The following THSD4 variants were observed in gnomAD, a reference collection of about 807,000 sequenced individuals.
THSD4 encodes thrombospondin type 1 domain containing 4.
THSD4 carries 69 observed loss-of-function variants against 119.0 expected under a neutral mutation model. The observed-to-expected ratio is 0.58, with a 90% CI of 0.48 to 0.71. THSD4 has a LOEUF of 0.71. Ranked by LOEUF, THSD4 falls within the 30% of genes least tolerant of loss-of-function variation. THSD4 has a pLI of 0.00. For synonymous variants in THSD4, 524 were observed against 540.4 expected (o/e 0.97, Z 0.42); for missense variants, 1,393 against 1,391.1 (o/e 1.00, Z -0.02).
chr15:71,710,161 T>G (rs1302545901), intron 8 of THSD4, among the ~76,000 whole-genome samples: 1 of 152,226 alleles, frequency 6.6e-6, no homozygotes, highest in Non-Finnish European at 1.5e-5. Context: ...TCCAAGGAAC[T>G]ATTTGTTCAA....
intron 7 of THSD4, among the ~76,000 whole-genome samples, chr15:71,447,927 AAAG>A (rs752985295): frequency 2.6e-5 from 4 of 152,148 alleles, no homozygotes; most frequent in Non-Finnish European, 5.9e-5. Context: ...TTCCAGGCAA[AAAG>A]AAGGACTAAA....
intron 7 of THSD4, among the ~76,000 whole-genome samples, chr15:71,624,686 T>G (rs2050476664): frequency 6.6e-6 from 1 of 152,152 alleles, no homozygotes. Context: ...GCTTTTTGCT[T>G]CAGTCTAAAG....
intron 8 of THSD4, among the ~76,000 whole-genome samples, chr15:71,706,700 T>A (rs2052399448): frequency 6.6e-6 from 1 of 152,102 alleles, no homozygotes; most frequent in African/African-American, 2.4e-5. Context: ...GCAGTCTACA[T>A]TCTAGCAAAA....
At chr15:71,181,704 A>G (rs79387238) in intron 3 of THSD4, among the ~76,000 whole-genome samples, 1 of 152,266 alleles carries the variant, frequency 6.6e-6, no homozygotes, top group Non-Finnish European at 1.5e-5. Context: ...CTCCCATCCT[A>G]GTGGTATCTA....
intron 4 of THSD4, among the ~76,000 whole-genome samples, chr15:71,231,981 A>G: frequency 6.6e-6 from 1 of 152,252 alleles, no homozygotes; most frequent in East Asian, 1.9e-4. Flanking sequence ...AGGTGATCCT[A>G]GTGGAACAGG....
chr15:71,140,311 G>T (rs599780), intron 1 of THSD4, among the ~76,000 whole-genome samples: 1 of 152,090 alleles, frequency 6.6e-6, no homozygotes, highest in African/African-American at 2.4e-5. Flanking sequence ...GGAGAAGGAA[G>T]GGCAGCCAGT....
Position 71,781,063 on chromosome 15 carries a change from A to G in THSD4, c.*3689A>G. ...GACTTCCCTTAAAACAGGCTGGATA[A>G]TCTATATCAGCCTTGTGGGTGGAGA... On this transcript the variant is annotated 3_prime_UTR_variant, in exon 18 of 18. Coordinates refer to ENST00000261862, the MANE Select transcript of THSD4 (RefSeq NM_024817.3). 3.2e-6 allele frequency: 1 copy of G among 308,198 alleles called. No individual in the cohort carries two copies. Among genetic ancestry groups the G allele is most frequent in the Admixed American group, 4.1e-5 (1 of 24,402 alleles). The allele number at this position is 308,198 out of a possible 1,614,324, so 19.1% of individuals were successfully genotyped here.
intron 7 of THSD4, among the ~76,000 whole-genome samples, chr15:71,570,790 T>C (rs2049336053): frequency 6.6e-6 from 1 of 152,164 alleles, no homozygotes; most frequent in Non-Finnish European, 1.5e-5. Flanking sequence ...TGGCAGTGTC[T>C]TCAACTGGAA....
intron 6 of THSD4, among the ~76,000 whole-genome samples, chr15:71,298,907 C>G (rs1228623607): frequency 6.6e-6 from 1 of 152,240 alleles, no homozygotes; most frequent in African/African-American, 2.4e-5. Flanking sequence ...GCCGTGCACA[C>G]AGCCCAGTGC....
chr15:71,442,658 G>GTGTGTGTATA (rs1403001889), intron 7 of THSD4, among the ~76,000 whole-genome samples: 3 of 31,340 alleles, frequency 9.6e-5, no homozygotes, highest in African/African-American at 3.0e-4. Flanking sequence ...GTGTGTGTGT[G>GTGTGTGTATA]TGTATATATA....
In THSD4 at chr15:71,154,948, C is replaced by G; in HGVS notation, c.99+16C>G. ...ACACAGGAAGGTAAGCCATGGCCAT[C>G]CAGAGGTTTTCTTCTCTGCCCAAGG... On this transcript the variant is annotated intron_variant, in intron 3 of 17. Coordinates refer to ENST00000261862, the MANE Select transcript of THSD4 (RefSeq NM_024817.3). 6.2e-7 allele frequency: 1 copy of G among 1,613,680 alleles called. No individual in the cohort carries two copies.
In THSD4 at chr15:71,663,865, G is replaced by A. The variant is rs184156773; in HGVS notation, c.1357+3131G>A. ...TCTGGCTATGAAAACTGTATTTTCT[G>A]TAAAATTTGACTTGATACACAAAAT... On this transcript the variant is annotated intron_variant, in intron 8 of 17. Coordinates refer to ENST00000261862, the MANE Select transcript of THSD4 (RefSeq NM_024817.3). Among the ~76,000 whole-genome samples, 683 of 152,200 alleles carry A rather than the reference G, an allele frequency of 4.5e-3. 3 individuals carry two copies. Among genetic ancestry groups the A allele is most frequent in the Non-Finnish European group, 7.5e-3 (508 of 68,012 alleles).
intron 6 of THSD4, among the ~76,000 whole-genome samples, chr15:71,403,153 T>C (rs973768811): frequency 1.3e-5 from 2 of 152,172 alleles, no homozygotes; most frequent in Non-Finnish European, 2.9e-5. Flanking sequence ...TTCTCTTTGC[T>C]TCTTTTTTGG....
intron 7 of THSD4, among the ~76,000 whole-genome samples, chr15:71,554,352 C>T (rs989962543): frequency 2.0e-5 from 3 of 151,638 alleles, no homozygotes; most frequent in Non-Finnish European, 4.4e-5. Context: ...GCCTCGGCCT[C>T]CCAAAGTGCT....
intron 7 of THSD4, among the ~76,000 whole-genome samples, chr15:71,558,419 G>T (rs1312125796): frequency 6.6e-6 from 1 of 152,118 alleles, no homozygotes; most frequent in Non-Finnish European, 1.5e-5. Flanking sequence ...TTTTCTTGTA[G>T]TGTTACTTAT....
At chr15:71,248,257 G>C (rs541373163) in intron 5 of THSD4, among the ~76,000 whole-genome samples, 2 of 152,116 alleles carry the variant, frequency 1.3e-5, no homozygotes, top group African/African-American at 4.8e-5. Flanking sequence ...CTCCAGCTTG[G>C]GGGGCAGAGT....
chr15:71,443,570 A>G (rs752923681), intron 7 of THSD4, among the ~76,000 whole-genome samples: 22 of 152,252 alleles, frequency 1.4e-4, no homozygotes, highest in Non-Finnish European at 2.8e-4. Context: ...TTGAAAATAC[A>G]TGTTAAGTTC....
rs1413956287 is a variant in THSD4 at position 71,242,230 on chromosome 15, G to GA, written c.465-410dup. ...TGAAGGAGCAAAAAATACATGATTA[G>GA]AAAAAAAAAGTGAACAGGAAAGTTT... On this transcript the variant is annotated intron_variant, in intron 4 of 17. Transcript: ENST00000261862. Among the ~76,000 whole-genome samples the GA allele has an allele frequency of 4.0e-5, 6 of 150,686 alleles. No individual in the cohort carries two copies. The East Asian group carries it at 5.8e-4, about 15-fold the overall frequency.
At chr15:71,485,884 C>CT (rs1307531396) in intron 7 of THSD4, among the ~76,000 whole-genome samples, 1 of 152,144 alleles carries the variant, frequency 6.6e-6, no homozygotes, top group Non-Finnish European at 1.5e-5. Context: ...GTTTTTCAAG[C>CT]TGTGGAAATA....
Sources: allele counts gnomAD v4.1 joint callset (sites outside exome capture counted in the v4.1 genomes callset), GRCh38; gene constraint gnomAD v4.1.1; transcripts MANE v1.5; gene names NCBI Gene and HGNC (gene_info 2026-07-23, HGNC 2026-07-21).